WWOX: variants seen among roughly 807,000 people sequenced by gnomAD.
WWOX encodes WW domain-containing oxidoreductase.
A neutral mutation model predicts 46.2 loss-of-function variants in WWOX; 69 were observed. The observed-to-expected ratio is 1.49, with a 90% confidence interval of 1.23 to 1.82. The LOEUF is 1.82. Ranked by LOEUF, WWOX falls within the 40% of genes most tolerant of loss-of-function variation. WWOX has a pLI of 0.00. For synonymous variants in WWOX, 359 were observed against 202.6 expected, an observed-to-expected ratio of 1.77 and a Z score of -6.56; for missense variants, 919 against 542.6, an observed-to-expected ratio of 1.69 and a Z score of -6.89.
intron 8 of WWOX, among the ~76,000 whole-genome samples, chr16:78,649,323 T>G (rs145424921): frequency 1.3e-5 from 2 of 152,096 alleles, no homozygotes; most frequent in South Asian, 2.1e-4. Flanking sequence ...TCACACTGTT[T>G]ACCAGATTGG....
At chr16:79,011,724 C>A (rs12445407) in intron 8 of WWOX, among the ~76,000 whole-genome samples, 1 of 151,928 alleles carries the variant, frequency 6.6e-6, no homozygotes, top group Non-Finnish European at 1.5e-5. Flanking sequence ...AACTCCTGGG[C>A]TCAAGCTATT....
chr16:78,193,588 A>G (rs1299515496), intron 5 of WWOX, among the ~76,000 whole-genome samples: 1 of 16,072 alleles, frequency 6.2e-5, no homozygotes, highest in African/African-American at 5.3e-4. Context: ...ATCTAGTCTT[A>G]TATCATTGAA....
chr16:79,158,397 T>G (rs2050422902), intron 8 of WWOX, among the ~76,000 whole-genome samples: 1 of 152,224 alleles, frequency 6.6e-6, no homozygotes, highest in Non-Finnish European at 1.5e-5. Flanking sequence ...AACACCATTC[T>G]GAATTGCAGC....
At position 78,827,921 on chromosome 16, in the gene WWOX, C is replaced by T. The variant is rs138823760; in HGVS notation, c.1057-383687C>T. Reference sequence around the variant, plus strand: ...ATGGGAACCAGGCACTGCACCTCCTCATTAGGAGTCAGAGTAAGGGGGCTA... The same window carrying T: ...ATGGGAACCAGGCACTGCACCTCCTTATTAGGAGTCAGAGTAAGGGGGCTA... On this transcript the variant is annotated intron_variant, in intron 8 of 8. Coordinates refer to ENST00000566780, the MANE Select transcript of WWOX (RefSeq NM_016373.4). Among the ~76,000 whole-genome samples the T allele has an allele frequency of 2.6e-5, 4 of 152,282 alleles. No homozygotes were observed. The East Asian group carries it at 7.7e-4, about 29-fold the overall frequency.
intron 8 of WWOX, among the ~76,000 whole-genome samples, chr16:78,638,382 T>A (rs946986692): frequency 1.3e-5 from 2 of 152,092 alleles, no homozygotes; most frequent in Non-Finnish European, 2.9e-5. Flanking sequence ...CCTTTCCCCC[T>A]CTGGCTGGGT....
intron 8 of WWOX, chr16:78,891,939 G>A (rs1464344743): frequency 6.6e-6 from 1 of 152,206 alleles, no homozygotes; most frequent in African/African-American, 2.4e-5. Flanking sequence ...GATATGGTCA[G>A]TGTAGGTCGG....
At chr16:78,613,557 T>C (rs1597348763) in intron 8 of WWOX, among the ~76,000 whole-genome samples, 1 of 152,316 alleles carries the variant, frequency 6.6e-6, no homozygotes, top group African/African-American at 2.4e-5. Context: ...TCTGATGGAA[T>C]TGACCCATAG....
chr16:78,870,008 C>G (rs138334103), intron 8 of WWOX, among the ~76,000 whole-genome samples: 30 of 152,338 alleles, frequency 2.0e-4, no homozygotes, highest in Admixed American at 5.2e-4. Context: ...AGTCTCTCCA[C>G]TGATCTGTCT....
intron 8 of WWOX, among the ~76,000 whole-genome samples, chr16:78,558,441 C>T (rs1240406692): frequency 6.6e-6 from 1 of 152,244 alleles, no homozygotes; most frequent in Non-Finnish European, 1.5e-5. Flanking sequence ...CAAAGCAGAT[C>T]TGGCATCCTT....
At chr16:78,488,007 G>C (rs1261414689) in intron 8 of WWOX, among the ~76,000 whole-genome samples, 1 of 152,142 alleles carries the variant, frequency 6.6e-6, no homozygotes, top group East Asian at 1.9e-4. Flanking sequence ...CTCAGAAATG[G>C]GGCTTCTAAA....
chr16:78,642,017 A>G (rs1851847453), intron 8 of WWOX, among the ~76,000 whole-genome samples: 2 of 152,194 alleles, frequency 1.3e-5, no homozygotes, highest in African/African-American at 4.8e-5. Context: ...AAAAGAAGAA[A>G]AACAGCAACG....
At chr16:78,675,136 C>T (rs1209395877) in intron 8 of WWOX, among the ~76,000 whole-genome samples, 1 of 152,058 alleles carries the variant, frequency 6.6e-6, no homozygotes, top group Non-Finnish European at 1.5e-5. Flanking sequence ...CATATTGGAT[C>T]CTCAAAACGT....
intron 8 of WWOX, among the ~76,000 whole-genome samples, chr16:78,634,250 A>T (rs1364574860): frequency 1.3e-5 from 2 of 152,208 alleles, no homozygotes; most frequent in Non-Finnish European, 2.9e-5. Flanking sequence ...GCAGTTAGTT[A>T]AGTGTATGAC....
At chr16:78,118,501 G>A (rs893091913) in intron 4 of WWOX, among the ~76,000 whole-genome samples, 5 of 152,122 alleles carry the variant, frequency 3.3e-5, no homozygotes, top group African/African-American at 1.2e-4. Flanking sequence ...GCCTGATTTT[G>A]TAAGTAGAAT....
chr16:78,733,258 C>G (rs2049007663), intron 8 of WWOX, among the ~76,000 whole-genome samples: 1 of 152,120 alleles, frequency 6.6e-6, no homozygotes, highest in South Asian at 2.1e-4. Context: ...AATATACTGC[C>G]AGCCTGGGCA....
chr16:78,161,866 G>T (rs938427606), intron 4 of WWOX, among the ~76,000 whole-genome samples: 16 of 152,018 alleles, frequency 1.1e-4, no homozygotes, highest in Non-Finnish European at 2.9e-5. Flanking sequence ...ATCACTTCCT[G>T]GAGAAGACAA....
At chr16:78,302,707 C>A (rs746266770) in intron 5 of WWOX, among the ~76,000 whole-genome samples, 3 of 152,184 alleles carry the variant, frequency 2.0e-5, no homozygotes, top group Non-Finnish European at 4.4e-5. Context: ...TCTCCCTTCT[C>A]AGTCGAAGCA....
rs1429433430 is a variant in WWOX, at chr16:79,170,963, C to G, written c.1057-40645C>G. ...TGACTTATCTAAATATTCCTGCATGCACACTCCCCAATCTAAGAAAAATGT... is the reference window on the plus strand; with the variant it reads ...TGACTTATCTAAATATTCCTGCATGGACACTCCCCAATCTAAGAAAAATGT... On this transcript the variant is annotated intron_variant, in intron 8 of 8. Transcript: ENST00000566780. 2.0e-5 allele frequency among the ~76,000 whole-genome samples: 3 copies of G among 152,292 alleles called. No homozygotes were observed. In the East Asian group the frequency reaches 5.8e-4, roughly 29 times the overall value.
intron 8 of WWOX, among the ~76,000 whole-genome samples, chr16:79,087,147 G>A (rs1597362318): frequency 6.6e-6 from 1 of 152,308 alleles, no homozygotes; most frequent in South Asian, 2.1e-4. Context: ...GCATGATGAG[G>A]AGAGTATTCA....
Sources: allele counts gnomAD v4.1 joint callset (sites outside exome capture counted in the v4.1 genomes callset), GRCh38; gene constraint gnomAD v4.1.1; transcripts MANE v1.5; gene names NCBI Gene and HGNC (gene_info 2026-07-23, HGNC 2026-07-21).